Variants in UBE2A observed in about 807,000 individuals in gnomAD.
UBE2A encodes ubiquitin conjugating enzyme E2 A.
For missense variants in UBE2A, 27 were observed against 125.8 expected, an observed-to-expected ratio of 0.21 and a Z score of 3.76; for synonymous variants, 39 against 41.1, an observed-to-expected ratio of 0.95 and a Z score of 0.20.
Position 119,583,260 on chromosome X carries a change from G to A in UBE2A, c.*5G>A, listed in dbSNP as rs990241037. 6.6e-6 allele frequency: 8 copies of A among 1,211,393 alleles called. No homozygotes were observed. Among genetic ancestry groups the A allele is most frequent in the South Asian group, 1.8e-5 (1 of 56,958 alleles). On this transcript the variant is annotated 3_prime_UTR_variant, in exon 6 of 6. Coordinates refer to ENST00000371558, the MANE Select transcript of UBE2A (RefSeq NM_003336.4). Reference sequence around the variant, plus strand: ...CAAAGCTGGCGTGATTGTTGACCCCGGGTACAGTTTAAAGAAGCTGGCCAT... The same window carrying A: ...CAAAGCTGGCGTGATTGTTGACCCCAGGTACAGTTTAAAGAAGCTGGCCAT...
chrX:119,584,042 G>T lies in UBE2A; in HGVS notation c.*787G>T, dbSNP rs746396838. ...CTCCTTTAATCTTTTTAAAGGATCA[G>T]TGCTGCCCTAAGTGAATAAACTCAA... On this transcript the variant is annotated 3_prime_UTR_variant, in exon 6 of 6. Transcript: ENST00000371558. 2.1e-4 allele frequency: 24 copies of T among 112,324 alleles called. No individual in the cohort carries two copies. The highest frequency in any genetic ancestry group is 6.5e-4 in the African/African-American group (20 of 30,856). 9.3% of individuals were successfully genotyped at this position (112,324 alleles called of 1,213,427 possible).
intron 3 of UBE2A, among the ~76,000 whole-genome samples, chrX:119,577,635 C>CTTTTTT (rs11380086): frequency 4.2e-4 from 24 of 56,784 alleles, no homozygotes; most frequent in East Asian, 1.3e-3. Context: ...AAAATTTTAG[C>CTTTTTT]TTTTTTTTTT....
chrX:119,575,597 G>A (rs2053411379), intron 3 of UBE2A, 197 bp downstream of exon 3: 1 of 432,790 alleles, frequency 2.3e-6, no homozygotes, highest in Non-Finnish European at 3.7e-6. Context: ...CTTTCTTCTT[G>A]CTTTCTTAAA....
In UBE2A at chrX:119,575,019, G is replaced by A. The variant is rs747472911; in HGVS notation, c.125+38G>A. On this transcript the variant is annotated intron_variant, in intron 2 of 5. Coordinates refer to ENST00000371558, the MANE Select transcript of UBE2A (RefSeq NM_003336.4). ...TCGTGGCGGTGGCGAGAAAACTGGG[G>A]ACGCGAGCAGCTTCGGTCTGCGCTC... 9.2e-6 allele frequency: 11 copies of A among 1,197,441 alleles called. No individual in the cohort carries two copies. The South Asian group carries it at 1.9e-4, about 21-fold the overall frequency.
At chrX:119,581,436 G>C (rs1027524620) in intron 3 of UBE2A, 71 bp from the exon 4 acceptor site, 2 of 778,926 alleles carry the variant, frequency 2.6e-6, no homozygotes, top group Admixed American at 4.6e-5. Context: ...AACCCACATA[G>C]CATTAAAAAC....
At chrX:119,577,862 G>A (rs1161261049) in intron 3 of UBE2A, among the ~76,000 whole-genome samples, 2 of 109,582 alleles carry the variant, frequency 1.8e-5, no homozygotes, top group Non-Finnish European at 3.8e-5. Flanking sequence ...GGCTGGTCTC[G>A]AACTCCTGAC....
chrX:119,575,287 A>T lies in UBE2A; in HGVS notation c.126-88A>T. 19 of 1,160,496 alleles carry T rather than the reference A, an allele frequency of 1.6e-5. No individual in the cohort carries two copies. In the South Asian group the frequency reaches 3.2e-4, roughly 20 times the overall value. On this transcript the variant is annotated intron_variant, in intron 2 of 5. Transcript: ENST00000371558. ...TCCGACCCCGGTAGCGGTGCTGGAG[A>T]TGGCAGAGCTCGGGATAGCCATCTC...
At chrX:119,577,083 C>T (rs2053420621) in intron 3 of UBE2A, 1 of 111,018 alleles carries the variant, frequency 9.0e-6, no homozygotes, top group Admixed American at 9.6e-5. Context: ...GACACCGCGC[C>T]CGGCTAATTT....
intron 2 of UBE2A, 59 bp downstream of exon 2, chrX:119,575,040 C>T: frequency 1.7e-6 from 2 of 1,174,152 alleles, no homozygotes; most frequent in Non-Finnish European, 2.3e-6. Context: ...CTTCGGTCTG[C>T]GCTCCGGGGC....
At chrX:119,575,052 G>A in intron 2 of UBE2A, 71 bp downstream of exon 2, 1 of 1,158,966 alleles carries the variant, frequency 8.6e-7, no homozygotes, top group Non-Finnish European at 1.2e-6. Flanking sequence ...CTCCGGGGCG[G>A]GCCCCCCGCG....
chrX:119,580,991 A>G (rs1461050334), intron 3 of UBE2A: 3 of 112,318 alleles, frequency 2.7e-5, no homozygotes, highest in African/African-American at 9.7e-5. Flanking sequence ...TAGGGTCACT[A>G]TGACATGAAA....
At chrX:119,575,466 T>A in intron 3 of UBE2A, 66 bp downstream of exon 3, 1 of 1,188,149 alleles carries the variant, frequency 8.4e-7, no homozygotes, top group Non-Finnish European at 1.1e-6. Flanking sequence ...TTCCCAGTCA[T>A]CCTGGAAGTG....
At chrX:119,581,244 A>G (rs2053448653) in intron 3 of UBE2A, 1 of 242,500 alleles carries the variant, frequency 4.1e-6, no homozygotes, top group East Asian at 8.1e-5. Context: ...CAAAATGTAC[A>G]GTGGCTAAAA....
At chrX:119,575,196 T>G in intron 2 of UBE2A, 179 bp from the exon 3 acceptor site, 1 of 747,755 alleles carries the variant, frequency 1.3e-6, no homozygotes, top group Non-Finnish European at 2.0e-6. Flanking sequence ...GGGCGGGGAG[T>G]GGTGGCGGTT....
chrX:119,576,053 A>AATG (rs1466058140), intron 3 of UBE2A, among the ~76,000 whole-genome samples: 1 of 112,475 alleles, frequency 8.9e-6, no homozygotes, highest in Non-Finnish European at 1.9e-5. Flanking sequence ...AGTTAGCCTT[A>AATG]ATGTACCCTT....
rs2053467062 is a variant in UBE2A, at chrX:119,583,626, T to C, written c.*371T>C. 4.9e-6 allele frequency: 1 copy of C among 202,862 alleles called. No individual in the cohort carries two copies. Among genetic ancestry groups the C allele is most frequent in the Admixed American group, 6.9e-5 (1 of 14,430 alleles). 16.7% of individuals were successfully genotyped at this position (202,862 alleles called of 1,213,427 possible). On this transcript the variant is annotated 3_prime_UTR_variant, in exon 6 of 6. Coordinates refer to ENST00000371558, the MANE Select transcript of UBE2A (RefSeq NM_003336.4). ...GACCAGGATGTTATTTTTAACAAAA[T>C]GATTGCTGAAGTGTTTCATCCTGGC...
intron 3 of UBE2A, chrX:119,581,131 T>C (rs1299517833): frequency 7.9e-6 from 1 of 126,400 alleles, no homozygotes; most frequent in Non-Finnish European, 1.6e-5. Context: ...TAAAAATCAC[T>C]GGAGCGTTTA....
chrX:119,578,354 A>G (rs751504986), intron 3 of UBE2A, among the ~76,000 whole-genome samples: 5 of 112,072 alleles, frequency 4.5e-5, no homozygotes, highest in Non-Finnish European at 9.4e-5. Context: ...AGACATGGTA[A>G]GGTACTGGTA....
Position 119,581,515 on chromosome X carries a change from A to G in UBE2A, c.160A>G (p.Lys54Glu). ...EGTPFEDGTF[K>E]LTIEFTEEYP... Reference sequence around the variant, plus strand: ...TTCTTTTCTAACCACAGGAACATTTAAACTTACAATAGAATTCACTGAAGA... The same window carrying G: ...TTCTTTTCTAACCACAGGAACATTTGAACTTACAATAGAATTCACTGAAGA... Residue 54 changes from lysine (K) to glutamate (E), a missense_variant, in exon 4 of 6, where the codon AAA becomes GAA. Physicochemically the swap from Lys to Glu is moderately conservative, Grantham distance 56. Transcript: ENST00000371558. 8.4e-7 allele frequency: 1 copy of G among 1,191,755 alleles called. No individual in the cohort carries two copies. The highest frequency in any genetic ancestry group is 1.1e-6 in the Non-Finnish European group (1 of 877,111).
Sources: gnomAD v4.1 joint callset for allele counts (sites outside exome capture counted in the v4.1 genomes callset) on GRCh38, gnomAD v4.1.1 for gene constraint, MANE v1.5 for transcripts, NCBI Gene and HGNC (gene_info 2026-07-23, HGNC 2026-07-21) for gene names.